The following PTPRD variants were observed in gnomAD, a reference collection of about 807,000 sequenced individuals.
PTPRD encodes the protein receptor-type tyrosine-protein phosphatase delta.
A neutral mutation model predicts 214.5 loss-of-function variants in PTPRD; 34 were observed. The ratio of observed to expected loss-of-function variants is 0.16; its 90% CI spans 0.12 to 0.21. The LOEUF (loss-of-function observed/expected upper bound fraction) is 0.21, where lower values mean the gene tolerates loss of function less well. PTPRD is among the 10% of genes least tolerant of loss of function. The probability of loss-of-function intolerance (pLI) is 1.00; values close to 1 mark genes in which losing one functional copy is unlikely to be tolerated. For missense variants in PTPRD, 2,545 were observed against 2,398.7 expected (o/e 1.06, Z -1.27); for synonymous variants, 1,128 against 845.7 (o/e 1.33, Z -5.79).
chr9:8,721,912 C>T (rs1017069620), intron 12 of PTPRD, among the ~76,000 whole-genome samples: 1 of 152,202 alleles, frequency 6.6e-6, no homozygotes, highest in Non-Finnish European at 1.5e-5. Flanking sequence ...CTGCTCCAAC[C>T]TTCTGTTCCA....
At chr9:9,727,301 G>A (rs1446686972) in intron 7 of PTPRD, among the ~76,000 whole-genome samples, 2 of 151,848 alleles carry the variant, frequency 1.3e-5, no homozygotes, top group African/African-American at 2.4e-5. Context: ...AATACAAAAA[G>A]TTAGCCAGGC....
At chr9:8,808,379 C>T (rs781398242) in intron 11 of PTPRD, among the ~76,000 whole-genome samples, 7 of 152,026 alleles carry the variant, frequency 4.6e-5, no homozygotes, top group Non-Finnish European at 8.8e-5. Context: ...TAAGCTAACC[C>T]CACATTCACT....
At chr9:10,307,054 T>C (rs1356534945) in intron 3 of PTPRD, among the ~76,000 whole-genome samples, 2 of 152,168 alleles carry the variant, frequency 1.3e-5, no homozygotes, top group Non-Finnish European at 2.9e-5. Context: ...TGAACATTTA[T>C]CATTTATATT....
chr9:9,870,188 T>A (rs1289151724), intron 5 of PTPRD, among the ~76,000 whole-genome samples: 1 of 152,060 alleles, frequency 6.6e-6, no homozygotes, highest in East Asian at 1.9e-4. Flanking sequence ...TCATGGAGAC[T>A]ACTTATACAA....
chr9:8,495,044 G>A (rs746106), intron 26 of PTPRD, among the ~76,000 whole-genome samples: 50,915 of 151,826 alleles, frequency 0.34, 8,676 homozygotes, highest in African/African-American at 0.41. Context: ...TCTTAAAAAA[G>A]AAACTGCATT....
chr9:9,433,947 A>G (rs2084192125), intron 8 of PTPRD, among the ~76,000 whole-genome samples: 1 of 152,292 alleles, frequency 6.6e-6, no homozygotes, highest in Non-Finnish European at 1.5e-5. Context: ...AACGCAGCGC[A>G]GTTTTCTTTT....
At chr9:8,687,561 C>T (rs914637147) in intron 12 of PTPRD, among the ~76,000 whole-genome samples, 5 of 152,206 alleles carry the variant, frequency 3.3e-5, no homozygotes, top group East Asian at 1.9e-4. Flanking sequence ...ACTGAAGTTA[C>T]AGCCAAGGTC....
At chr9:9,909,779 T>G (rs1280314675) in intron 5 of PTPRD, among the ~76,000 whole-genome samples, 4 of 78,694 alleles carry the variant, frequency 5.1e-5, no homozygotes, top group Non-Finnish European at 2.4e-5. Context: ...GGATTGAATG[T>G]TTTTTTTTGT....
At position 9,731,241 on chromosome 9, in the gene PTPRD, T is replaced by C. The variant is rs117108409; in HGVS notation, c.-287+3292A>G. On this transcript the variant is annotated intron_variant, in intron 7 of 45. Transcript: ENST00000381196. ...ATGGAGTATTTTTAATGTATTTAATTTGGAATCTAAGTTTGCATATTATCA... is the reference window on the plus strand; with the variant it reads ...ATGGAGTATTTTTAATGTATTTAATCTGGAATCTAAGTTTGCATATTATCA... Among the ~76,000 whole-genome samples, 805 of 152,262 alleles carry C rather than the reference T, an allele frequency of 5.3e-3. 4 individuals carry two copies. The highest frequency in any genetic ancestry group is 8.5e-3 in the Non-Finnish European group (579 of 68,010).
chr9:10,308,420 T>C (rs1406337914), intron 3 of PTPRD, among the ~76,000 whole-genome samples: 1 of 152,092 alleles, frequency 6.6e-6, no homozygotes, highest in African/African-American at 2.4e-5. Flanking sequence ...CATTAGTCTA[T>C]GTGTCTGTTT....
intron 35 of PTPRD, among the ~76,000 whole-genome samples, chr9:8,426,981 G>T (rs1293453125): frequency 6.6e-6 from 1 of 152,150 alleles, no homozygotes; most frequent in Non-Finnish European, 1.5e-5. Context: ...TTCTTCTAAG[G>T]TGAGCTGCTG....
intron 39 of PTPRD, among the ~76,000 whole-genome samples, chr9:8,347,246 A>G (rs2074102405): frequency 6.6e-6 from 1 of 152,116 alleles, no homozygotes; most frequent in South Asian, 2.1e-4. Flanking sequence ...ATTTACCAGC[A>G]CATATGACTA....
intron 3 of PTPRD, among the ~76,000 whole-genome samples, chr9:10,293,423 G>A (rs1430922631): frequency 1.3e-5 from 2 of 151,872 alleles, no homozygotes; most frequent in Admixed American, 1.3e-4. Context: ...TAGAGGAGGA[G>A]ATCCAGCATT....
chr9:8,641,542 G>C (rs2096576061), intron 12 of PTPRD, among the ~76,000 whole-genome samples: 1 of 147,828 alleles, frequency 6.8e-6, no homozygotes, highest in Non-Finnish European at 1.5e-5. Context: ...TCAAATTACT[G>C]GTCAACCCAG....
At chr9:8,751,276 AT>A (rs1478994797) in intron 11 of PTPRD, among the ~76,000 whole-genome samples, 1 of 152,130 alleles carries the variant, frequency 6.6e-6, no homozygotes, top group Non-Finnish European at 1.5e-5. Context: ...ATTAGTTCTC[AT>A]TTGCGTTCCT....
chr9:10,389,899 G>A (rs1188848349), intron 2 of PTPRD, among the ~76,000 whole-genome samples: 1 of 151,716 alleles, frequency 6.6e-6, no homozygotes, highest in Non-Finnish European at 1.5e-5. Context: ...GAAAACAGGT[G>A]GAGCTTACCA....
intron 7 of PTPRD, among the ~76,000 whole-genome samples, chr9:9,665,666 G>A (rs1170624715): frequency 2.6e-5 from 4 of 151,714 alleles, no homozygotes; most frequent in Non-Finnish European, 5.9e-5. Context: ...CCTTCCACAT[G>A]TAAGATACTC....
chr9:8,917,512 A>G (rs1321820401), intron 11 of PTPRD, among the ~76,000 whole-genome samples: 2 of 152,168 alleles, frequency 1.3e-5, no homozygotes, highest in East Asian at 3.9e-4. Context: ...GTCTACTTGT[A>G]ACAATCAGAA....
chr9:8,515,860 G>C (rs2097773155), intron 21 of PTPRD, among the ~76,000 whole-genome samples: 1 of 152,082 alleles, frequency 6.6e-6, no homozygotes, highest in Admixed American at 6.6e-5. Context: ...TTTTTTACAG[G>C]AGCACTAGAA....
Sources: gnomAD v4.1 joint callset for allele counts (sites outside exome capture counted in the v4.1 genomes callset) on GRCh38, gnomAD v4.1.1 for gene constraint, MANE v1.5 for transcripts, NCBI Gene and HGNC (gene_info 2026-07-23, HGNC 2026-07-21) for gene names.